Variants in EYS observed in about 807,000 individuals in gnomAD.
EYS encodes the protein EGF-like photoreceptor maintenance factor.
Under a neutral mutation model 282.1 loss-of-function variants are expected in EYS, and 250 were observed. The ratio of observed to expected loss-of-function variants is 0.89; its 90% CI spans 0.80 to 0.98. The LOEUF is 0.98. EYS is among the 50% of genes least tolerant of loss of function. The pLI, the probability that EYS is intolerant of heterozygous loss-of-function variation, is 0.00. For missense variants in EYS, 4,016 were observed against 3,709.0 expected, an observed-to-expected ratio of 1.08 and a Z score of -2.15; for synonymous variants, 1,355 against 1,282.9, an observed-to-expected ratio of 1.06 and a Z score of -1.20.
At chr6:65,684,201 A>T (rs1331946148) in intron 1 of EYS, among the ~76,000 whole-genome samples, 1 of 152,086 alleles carries the variant, frequency 6.6e-6, no homozygotes, top group East Asian at 1.9e-4. Flanking sequence ...AAACAATAGG[A>T]GACAAACATT....
At chr6:64,363,468 T>G (rs939992983) in intron 29 of EYS, among the ~76,000 whole-genome samples, 2 of 151,938 alleles carry the variant, frequency 1.3e-5, no homozygotes, top group African/African-American at 4.8e-5. Flanking sequence ...TTTTCCCCTG[T>G]GCAACCTATT....
chr6:64,090,972 C>T (rs921274894), intron 31 of EYS, among the ~76,000 whole-genome samples: 1 of 152,094 alleles, frequency 6.6e-6, no homozygotes, highest in African/African-American at 2.4e-5. Flanking sequence ...AGAGTCTTCC[C>T]TGGTCCTTCA....
intron 35 of EYS, among the ~76,000 whole-genome samples, chr6:63,879,591 A>G (rs1773073716): frequency 6.6e-6 from 1 of 152,188 alleles, no homozygotes. Flanking sequence ...GCTTAAATGC[A>G]TATATACTCT....
intron 33 of EYS, among the ~76,000 whole-genome samples, chr6:64,060,335 T>C (rs995893404): frequency 6.6e-6 from 1 of 152,144 alleles, no homozygotes; most frequent in African/African-American, 2.4e-5. Flanking sequence ...ATTCTCCATA[T>C]TGAGTTATAG....
intron 12 of EYS, among the ~76,000 whole-genome samples, chr6:65,149,334 A>G (rs1764556157): frequency 1.3e-5 from 2 of 152,204 alleles, no homozygotes; most frequent in Admixed American, 6.5e-5. Flanking sequence ...CAGGGGCAAA[A>G]TGTCACCAAA....
At chr6:65,301,840 C>A (rs1768844467) in intron 11 of EYS, among the ~76,000 whole-genome samples, 1 of 152,202 alleles carries the variant, frequency 6.6e-6, no homozygotes, top group South Asian at 2.1e-4. Context: ...TCTTCCAGGC[C>A]ATCTCAAGGT....
At chr6:65,627,319 T>C (rs1766738854) in intron 2 of EYS, among the ~76,000 whole-genome samples, 1 of 152,002 alleles carries the variant, frequency 6.6e-6, no homozygotes, top group Non-Finnish European at 1.5e-5. Context: ...CAAAGAGAAT[T>C]TGTGATGGTT....
At chr6:65,305,693 A>C (rs1768985820) in intron 11 of EYS, among the ~76,000 whole-genome samples, 2 of 152,238 alleles carry the variant, frequency 1.3e-5, no homozygotes, top group Non-Finnish European at 2.9e-5. Flanking sequence ...TGAGATGGTG[A>C]CATGATTAGA....
intron 1 of EYS, among the ~76,000 whole-genome samples, chr6:65,672,543 G>C (rs1025848393): frequency 2.0e-5 from 3 of 152,014 alleles, no homozygotes; most frequent in Admixed American, 6.6e-5. Context: ...CAAATGCATA[G>C]ATCCCAACAA....
chr6:64,310,068 AT>A lies in EYS; in HGVS notation c.6079-2987del, dbSNP rs201970354. On this transcript the variant is annotated intron_variant, in intron 29 of 42. Transcript: ENST00000503581. Reference sequence around the variant, plus strand: ...TGGCTATTTATTAAAAGTAAAAAAAATAAAAAAAAAAATAACAGATGCTGGC... The same window carrying A: ...TGGCTATTTATTAAAAGTAAAAAAAAAAAAAAAAAAATAACAGATGCTGGC... Among the ~76,000 whole-genome samples, 522 of 120,422 alleles carry A rather than the reference AT, an allele frequency of 4.3e-3. 11 individuals carry two copies. The highest frequency in any genetic ancestry group is 0.013 in the Middle Eastern group (3 of 238). 79.0% of individuals were successfully genotyped at this position (120,422 alleles called of 152,430 possible).
At chr6:64,365,127 A>G (rs1429474646) in intron 29 of EYS, among the ~76,000 whole-genome samples, 1 of 152,006 alleles carries the variant, frequency 6.6e-6, no homozygotes, top group African/African-American at 2.4e-5. Flanking sequence ...ATGACACACA[A>G]AAGATTCTTT....
chr6:64,935,257 A>G (rs1008920397), intron 15 of EYS, among the ~76,000 whole-genome samples: 6 of 151,782 alleles, frequency 4.0e-5, no homozygotes, highest in African/African-American at 1.4e-4. Context: ...GAAGACATAT[A>G]GAAAACAAAT....
chr6:64,393,926 C>T (rs1302807363), intron 28 of EYS, among the ~76,000 whole-genome samples: 1 of 151,940 alleles, frequency 6.6e-6, no homozygotes. Context: ...TAAGCAACTT[C>T]AGCAAAGTCT....
In EYS at chr6:64,436,161, A is replaced by G; in HGVS notation, c.5927+13T>C. ...CTTAATGAGATTAACTGGAAAAGAA[A>G]TAATTATCTTACCTGATAAGCAGTG... is the stretch of plus-strand genomic sequence containing the variant. On this transcript the variant is annotated intron_variant, in intron 28 of 42. Transcript: ENST00000503581. 7.0e-7 allele frequency: 1 copy of G among 1,432,334 alleles called. No individual in the cohort carries two copies. Among genetic ancestry groups the G allele is most frequent in the Non-Finnish European group, 9.5e-7 (1 of 1,056,034 alleles). 88.7% of individuals were successfully genotyped at this position (1,432,334 alleles called of 1,614,324 possible). A position where few individuals can be genotyped will look rare whatever the true frequency, so the allele number is the denominator to read the frequency against.
intron 12 of EYS, among the ~76,000 whole-genome samples, chr6:65,169,114 A>C (rs140336034): frequency 8.6e-5 from 13 of 151,596 alleles, no homozygotes; most frequent in African/African-American, 3.1e-4. Context: ...TGAGTCCAAG[A>C]AGAAAGGTTT....
intron 37 of EYS, among the ~76,000 whole-genome samples, chr6:63,796,211 C>T (rs1014044442): frequency 2.0e-5 from 3 of 152,200 alleles, no homozygotes; most frequent in Non-Finnish European, 4.4e-5. Context: ...TGTGTTCTCA[C>T]TTGATGTGCT....
At position 64,074,172 on chromosome 6, in the gene EYS, G is replaced by T. The variant is rs1251103408; in HGVS notation, c.6572-7681C>A. Among the ~76,000 whole-genome samples, 4 of 151,556 alleles carry T rather than the reference G, an allele frequency of 2.6e-5. No individual in the cohort carries two copies. The East Asian group carries it at 7.7e-4, about 29-fold the overall frequency. On this transcript the variant is annotated intron_variant, in intron 32 of 42. Coordinates refer to ENST00000503581, the MANE Select transcript of EYS (RefSeq NM_001142800.2). ...TTTTGTTTATCCTAATAAAATGATT[G>T]TCTGCTAATTTAAGATTTGTTAAGC...
At chr6:63,946,165 G>A (rs1765391323) in intron 35 of EYS, among the ~76,000 whole-genome samples, 1 of 152,182 alleles carries the variant, frequency 6.6e-6, no homozygotes. Flanking sequence ...GCTGGTCCTG[G>A]ACACACATCC....
intron 36 of EYS, among the ~76,000 whole-genome samples, chr6:63,861,496 G>T (rs187383391): frequency 2.0e-5 from 3 of 152,276 alleles, no homozygotes; most frequent in African/African-American, 7.2e-5. Flanking sequence ...CCTTTCAACG[G>T]TTTCCTAAGG....
Sources: allele counts gnomAD v4.1 joint callset (sites outside exome capture counted in the v4.1 genomes callset), GRCh38; gene constraint gnomAD v4.1.1; transcripts MANE v1.5; gene names NCBI Gene and HGNC (gene_info 2026-07-23, HGNC 2026-07-21).